Variants in PROSER2 observed in about 807,000 individuals in gnomAD.
PROSER2 encodes the protein proline and serine-rich protein 2.
A neutral mutation model predicts 14.6 loss-of-function variants in PROSER2; 18 were observed. The observed-to-expected ratio is 1.23, with a 90% CI of 0.85 to 1.83. The LOEUF (loss-of-function observed/expected upper bound fraction) is 1.83. Ranked by LOEUF, PROSER2 falls within the 40% of genes most tolerant of loss-of-function variation. The pLI is 0.00. For missense variants in PROSER2, 823 were observed against 629.8 expected (o/e 1.31, Z -3.28); for synonymous variants, 367 against 286.4 (o/e 1.28, Z -2.84).
chr10:11,854,231 C>T (rs933348359), intron 2 of PROSER2, among the ~76,000 whole-genome samples: 3 of 152,222 alleles, frequency 2.0e-5, no homozygotes, highest in African/African-American at 4.8e-5. Context: ...CTTATTATTT[C>T]ACAGTTGTGT....
intron 1 of PROSER2, among the ~76,000 whole-genome samples, chr10:11,834,926 G>A (rs1048250670): frequency 6.6e-6 from 1 of 151,954 alleles, no homozygotes; most frequent in East Asian, 1.9e-4. Flanking sequence ...GGCCAACATG[G>A]TGAAACCCTG....
chr10:11,835,653 C>T (rs936338629), intron 1 of PROSER2, among the ~76,000 whole-genome samples: 1 of 152,012 alleles, frequency 6.6e-6, no homozygotes, highest in African/African-American at 2.4e-5. Context: ...TTTGTTAATA[C>T]ACAATTACAT....
rs1299306789 is a variant in PROSER2, at chr10:11,852,146, C to G, written c.69C>G (p.Leu23=). The change falls in exon 2 of 4, where the codon CTC becomes CTG. Residue 23 remains leucine, a synonymous_variant. Coordinates refer to ENST00000277570, the MANE Select transcript of PROSER2 (RefSeq NM_153256.4). ...CAGACACGTCCCCCAGCTGCAGGCT[C>G]CGAGCCTTCAGCAGAGGCGGCAGCC... ...MNSDTSPSCR[L]RAFSRGGSLE... 1.2e-6 allele frequency: 2 copies of G among 1,613,610 alleles called. No individual in the cohort carries two copies. The highest frequency in any genetic ancestry group is 2.7e-5 in the African/African-American group (2 of 75,048).
At chr10:11,828,858 G>T (rs896422983) in intron 1 of PROSER2, among the ~76,000 whole-genome samples, 6 of 152,166 alleles carry the variant, frequency 3.9e-5, no homozygotes, top group East Asian at 1.9e-4. Flanking sequence ...TTCAATGTCC[G>T]ATGTGAATTG....
At chr10:11,855,156 T>C (rs1834099892) in intron 2 of PROSER2, among the ~76,000 whole-genome samples, 1 of 151,370 alleles carries the variant, frequency 6.6e-6, no homozygotes, top group Non-Finnish European at 1.5e-5. Flanking sequence ...TGTTTTTTTT[T>C]TTTTTTAAGC....
rs558272666 is a variant in PROSER2 at position 11,871,736 on chromosome 10, A to G, written c.*1330A>G. 1.3e-5 allele frequency: 2 copies of G among 152,366 alleles called. No individual in the cohort carries two copies. Among genetic ancestry groups the G allele is most frequent in the South Asian group, 4.1e-4 (2 of 4,834 alleles). 9.4% of individuals were successfully genotyped at this position (152,366 alleles called of 1,614,324 possible). A position where few individuals can be genotyped will look rare whatever the true frequency, so the allele number is the denominator to read the frequency against. On this transcript the variant is annotated 3_prime_UTR_variant, in exon 4 of 4. Transcript: ENST00000277570. ...ATAGACAGGAAGGGCTGCCCTGAGC[A>G]GTGACACCTTTGTGTTTTTATGTCT...
At position 11,830,761 on chromosome 10, in the gene PROSER2, T is replaced by C. The variant is rs1833679871; in HGVS notation, c.-82+7291T>C. Among the ~76,000 whole-genome samples the C allele has an allele frequency of 6.6e-6, 1 of 152,230 alleles. No individual in the cohort carries two copies. The highest frequency in any genetic ancestry group is 1.5e-5 in the Non-Finnish European group (1 of 68,040). On this transcript the variant is annotated intron_variant, in intron 1 of 3. Transcript: ENST00000277570. The surrounding 1 kb of genome is among the most constrained non-coding windows in gnomAD (Gnocchi z 4.5). The stretch of plus-strand genomic sequence containing the variant: ...TCAACAAACATTTGGTGGTCCCCAT[T>C]GCTTAAAAATGTGCTAAAAACCCCT...
At position 11,836,612 on chromosome 10, in the gene PROSER2, C is replaced by T. The variant is rs1243549890; in HGVS notation, c.-82+13142C>T. ...GGCCCCTTCCTAGCGTGTAGGTGTG[C>T]ACTTTGACCCTGCTGTAGTGTGTAA... On this transcript the variant is annotated intron_variant, in intron 1 of 3. Coordinates refer to ENST00000277570, the MANE Select transcript of PROSER2 (RefSeq NM_153256.4). This position sits in a 1 kb window ranked among gnomAD's most constrained non-coding sequence, Gnocchi z 4.6. Among the ~76,000 whole-genome samples, 4 of 152,162 alleles carry T rather than the reference C, an allele frequency of 2.6e-5. No individual in the cohort carries two copies. Among genetic ancestry groups the T allele is most frequent in the African/African-American group, 7.2e-5 (3 of 41,418 alleles).
chr10:11,842,699 C>A (rs1159720244), intron 1 of PROSER2, among the ~76,000 whole-genome samples: 4 of 151,928 alleles, frequency 2.6e-5, no homozygotes, highest in Admixed American at 2.6e-4. Context: ...GTAGCCGACT[C>A]GCTCTGTTTT....
At chr10:11,854,455 A>G (rs1834084803) in intron 2 of PROSER2, among the ~76,000 whole-genome samples, 1 of 152,126 alleles carries the variant, frequency 6.6e-6, no homozygotes, top group Admixed American at 6.6e-5. Context: ...TAACGGTTGC[A>G]GCAGCACCAC....
intron 1 of PROSER2, among the ~76,000 whole-genome samples, chr10:11,824,303 T>G (rs1351211246): frequency 1.3e-5 from 2 of 152,222 alleles, no homozygotes; most frequent in Non-Finnish European, 2.9e-5. Flanking sequence ...AGAAGGTTCT[T>G]TCTGGCTCCA....
chr10:11,827,825 C>T (rs1022214794), intron 1 of PROSER2, among the ~76,000 whole-genome samples: 2 of 152,020 alleles, frequency 1.3e-5, no homozygotes, highest in Middle Eastern at 3.4e-3. Flanking sequence ...ACTACGGGTG[C>T]GTGCCACCAT....
At chr10:11,832,237 A>G (rs1192558690) in intron 1 of PROSER2, among the ~76,000 whole-genome samples, 1 of 152,194 alleles carries the variant, frequency 6.6e-6, no homozygotes, top group African/African-American at 2.4e-5. Context: ...CCAGCAGCCA[A>G]CTTCCACCTG....
chr10:11,857,074 A>T (rs1432354205), intron 2 of PROSER2, among the ~76,000 whole-genome samples: 1 of 152,162 alleles, frequency 6.6e-6, no homozygotes, highest in Non-Finnish European at 1.5e-5. Flanking sequence ...TACTGCATAT[A>T]AGAACTGAGA....
rs553831835 is a variant in PROSER2 at position 11,865,746 on chromosome 10, G to A, written c.139-785G>A. Among the ~76,000 whole-genome samples the A allele has an allele frequency of 6.6e-6, 1 of 152,158 alleles. No individual in the cohort carries two copies. The highest frequency in any genetic ancestry group is 6.5e-5 in the Admixed American group (1 of 15,270). ...GGCACTCCACCGTCAGCTTTGCTCC[G>A]TGGCCCCACTTCAGGGTTCCTCTGT... On this transcript the variant is annotated intron_variant, in intron 2 of 3. Coordinates refer to ENST00000277570, the MANE Select transcript of PROSER2 (RefSeq NM_153256.4). The surrounding 1 kb of genome is among the most constrained non-coding windows in gnomAD (Gnocchi z 4.2).
intron 1 of PROSER2, chr10:11,851,292 T>A (rs1452281062): frequency 6.6e-6 from 1 of 152,224 alleles, no homozygotes; most frequent in Non-Finnish European, 1.5e-5. Context: ...ACAGTTTCAG[T>A]GTCTTTGCTC....
chr10:11,848,928 C>T (rs901774682), intron 1 of PROSER2, among the ~76,000 whole-genome samples: 22 of 152,184 alleles, frequency 1.4e-4, no homozygotes, highest in Admixed American at 1.4e-3. Flanking sequence ...GTGGCTCACG[C>T]CTGTAATCCC....
At chr10:11,824,813 A>C (rs1833588324) in intron 1 of PROSER2, among the ~76,000 whole-genome samples, 1 of 152,254 alleles carries the variant, frequency 6.6e-6, no homozygotes. Context: ...CATTACTAGA[A>C]ATCAGAAATC....
chr10:11,842,546 G>A (rs1833859244), intron 1 of PROSER2, among the ~76,000 whole-genome samples: 2 of 151,886 alleles, frequency 1.3e-5, no homozygotes, highest in South Asian at 2.1e-4. Context: ...TCCCATGTGT[G>A]TGCTGTCACT....
Sources: allele counts gnomAD v4.1 joint callset (sites outside exome capture counted in the v4.1 genomes callset), GRCh38; gene constraint gnomAD v4.1.1; non-coding constraint Gnocchi (gnomAD v3.1); transcripts MANE v1.5; gene names NCBI Gene and HGNC (gene_info 2026-07-23, HGNC 2026-07-21).